Variants in NRXN3 observed in about 807,000 individuals in gnomAD.
The protein encoded by NRXN3 is neurexin III.
Under a neutral mutation model 137.6 loss-of-function variants are expected in NRXN3, and 32 were observed. The observed-to-expected ratio is 0.23, with a 90% CI of 0.18 to 0.31. NRXN3 has a LOEUF of 0.31. NRXN3 is among the 10% of genes least tolerant of loss of function. NRXN3 has a pLI of 1.00. For synonymous variants in NRXN3, 798 were observed against 784.5 expected (o/e 1.02, Z -0.29); for missense variants, 1,574 against 2,062.5 (o/e 0.76, Z 4.59).
At chr14:78,645,606 A>G (rs1388250836) in intron 5 of NRXN3, among the ~76,000 whole-genome samples, 185 bp downstream of exon 5, 1 of 151,760 alleles carries the variant, frequency 6.6e-6, no homozygotes, top group Non-Finnish European at 1.5e-5. Context: ...GTTTCTCCAC[A>G]TACTTCAATT....
intron 10 of NRXN3, among the ~76,000 whole-genome samples, chr14:78,848,539 C>G (rs1281483721): frequency 1.3e-5 from 2 of 152,222 alleles, no homozygotes; most frequent in East Asian, 3.9e-4. Context: ...TTTTAGAATA[C>G]TTTATTTATT....
chr14:78,321,777 G>A (rs910354176), intron 4 of NRXN3, among the ~76,000 whole-genome samples: 1 of 151,984 alleles, frequency 6.6e-6, no homozygotes, highest in African/African-American at 2.4e-5. Context: ...AATGCTTTAT[G>A]CCTCCAAGGT....
rs751507375 is a variant in NRXN3, at chr14:79,805,234, TGC to T, written c.4093+45_4093+46del. On this transcript the variant is annotated intron_variant, in intron 20 of 20. Coordinates refer to ENST00000335750, the MANE Select transcript of NRXN3 (RefSeq NM_001330195.2). ...ATTTTGCTTGCTTTCTTTTTTCTTT[TGC>T]AAAAAACAATACATACATATATGTG... 8.9e-6 allele frequency: 13 copies of T among 1,457,568 alleles called. No homozygotes were observed. In the African/African-American group the frequency reaches 1.8e-4, roughly 20 times the overall value. The allele number at this position is 1,457,568 out of a possible 1,614,324, so 90.3% of individuals were successfully genotyped here.
At chr14:78,477,009 T>A (rs1178743893) in intron 4 of NRXN3, among the ~76,000 whole-genome samples, 1 of 152,200 alleles carries the variant, frequency 6.6e-6, no homozygotes, top group Non-Finnish European at 1.5e-5. Flanking sequence ...TGTCTTCAGT[T>A]TCTCTTTATG....
chr14:78,548,284 C>T (rs1207519485), intron 4 of NRXN3, among the ~76,000 whole-genome samples: 1 of 152,154 alleles, frequency 6.6e-6, no homozygotes, highest in Non-Finnish European at 1.5e-5. Context: ...ATATCAATCA[C>T]TTCTTTATTC....
intron 17 of NRXN3, among the ~76,000 whole-genome samples, chr14:79,673,341 G>T (rs1357955641): frequency 6.6e-6 from 1 of 152,078 alleles, no homozygotes; most frequent in African/African-American, 2.4e-5. Context: ...TGATGGCATA[G>T]TTTACTAAGT....
At chr14:78,835,104 T>C (rs1567458922) in intron 10 of NRXN3, among the ~76,000 whole-genome samples, 1 of 152,278 alleles carries the variant, frequency 6.6e-6, no homozygotes, top group East Asian at 1.9e-4. Flanking sequence ...GCTGTCTGCT[T>C]TTTATCATAT....
chr14:79,242,393 G>A (rs1296267388), intron 15 of NRXN3, among the ~76,000 whole-genome samples: 1 of 152,120 alleles, frequency 6.6e-6, no homozygotes, highest in African/African-American at 2.4e-5. Context: ...CTGGCTCAAA[G>A]GAGTGTGTTT....
intron 10 of NRXN3, among the ~76,000 whole-genome samples, chr14:78,950,374 G>A (rs981843476): frequency 2.6e-5 from 4 of 152,100 alleles, no homozygotes; most frequent in Non-Finnish European, 5.9e-5. Context: ...GGAGCCATTT[G>A]TTTCTTTGGA....
intron 16 of NRXN3, among the ~76,000 whole-genome samples, chr14:79,526,830 A>G (rs1223813000): frequency 6.6e-6 from 1 of 152,192 alleles, no homozygotes; most frequent in East Asian, 1.9e-4. Flanking sequence ...CACTATATCT[A>G]CTAGGTGTGT....
intron 16 of NRXN3, among the ~76,000 whole-genome samples, chr14:79,617,859 G>A (rs571885944): frequency 1.0e-3 from 146 of 140,260 alleles, no homozygotes; most frequent in Non-Finnish European, 1.7e-3. Context: ...CACTGACTCC[G>A]TTATTATTAT....
At chr14:79,395,787 T>G (rs2153480399) in intron 15 of NRXN3, among the ~76,000 whole-genome samples, 1 of 147,476 alleles carries the variant, frequency 6.8e-6, no homozygotes, top group Non-Finnish European at 1.5e-5. Flanking sequence ...CCCCGCTGGG[T>G]GACAGAGCTA....
chr14:78,256,385 C>A (rs888514732), intron 2 of NRXN3, among the ~76,000 whole-genome samples: 1 of 152,210 alleles, frequency 6.6e-6, no homozygotes, highest in South Asian at 2.1e-4. Flanking sequence ...AGGTGTTGGA[C>A]CACAGAACGC....
At chr14:79,079,837 AATT>A (rs1195590578) in intron 15 of NRXN3, among the ~76,000 whole-genome samples, 1 of 151,986 alleles carries the variant, frequency 6.6e-6, no homozygotes, top group Non-Finnish European at 1.5e-5. Context: ...AAAATACAAA[AATT>A]AGCCGGGCGT....
At chr14:78,996,164 C>CT (rs1391770388) in intron 15 of NRXN3, among the ~76,000 whole-genome samples, 8 of 151,986 alleles carry the variant, frequency 5.3e-5, no homozygotes, top group African/African-American at 1.9e-4. Context: ...TTTCATTTTT[C>CT]TTTTTTACCT....
At chr14:79,707,923 C>T (rs1420723090) in intron 19 of NRXN3, among the ~76,000 whole-genome samples, 1 of 152,010 alleles carries the variant, frequency 6.6e-6, no homozygotes, top group Non-Finnish European at 1.5e-5. Flanking sequence ...ATAAGAATTA[C>T]GTGCCCATTT....
In NRXN3 at chr14:79,306,558, G is replaced by C. The variant is rs79899897; in HGVS notation, c.3263-160663G>C. 7.9e-3 allele frequency among the ~76,000 whole-genome samples: 1,196 copies of C among 152,194 alleles called. 16 individuals carry two copies. The highest frequency in any genetic ancestry group is 0.024 in the African/African-American group (998 of 41,544). ...TACAAGGCTATTTGTTTGCTTGACT[G>C]TTTTTAATGACTACTCATTAACACC... On this transcript the variant is annotated intron_variant, in intron 15 of 20. Coordinates refer to ENST00000335750, the MANE Select transcript of NRXN3 (RefSeq NM_001330195.2).
intron 19 of NRXN3, among the ~76,000 whole-genome samples, chr14:79,753,772 C>T (rs1274570997): frequency 6.6e-6 from 1 of 151,806 alleles, no homozygotes. Context: ...TAAGCCTGCC[C>T]ACCTGTCATT....
intron 16 of NRXN3, among the ~76,000 whole-genome samples, chr14:79,520,048 T>C (rs2097047657): frequency 6.6e-6 from 1 of 152,026 alleles, no homozygotes; most frequent in Non-Finnish European, 1.5e-5. Context: ...AGTTTTCTGT[T>C]TTTTGAATGT....
Sources: gnomAD v4.1 joint callset for allele counts (sites outside exome capture counted in the v4.1 genomes callset) on GRCh38, gnomAD v4.1.1 for gene constraint, MANE v1.5 for transcripts, NCBI Gene and HGNC (gene_info 2026-07-23, HGNC 2026-07-21) for gene names.